Variants in SLC7A8 observed in about 807,000 individuals in gnomAD.
SLC7A8 encodes large neutral amino acids transporter small subunit 2.
A neutral mutation model predicts 51.2 loss-of-function variants in SLC7A8; 30 were observed. The ratio of observed to expected loss-of-function variants is 0.59; its 90% CI spans 0.44 to 0.80. SLC7A8 has a LOEUF of 0.80. Ranked by LOEUF, SLC7A8 falls within the 30% of genes least tolerant of loss-of-function variation. SLC7A8 has a pLI of 0.00. For synonymous variants in SLC7A8, 257 were observed against 275.8 expected, an observed-to-expected ratio of 0.93 and a Z score of 0.67; for missense variants, 612 against 674.4, an observed-to-expected ratio of 0.91 and a Z score of 1.03.
chr14:23,128,367 A>G lies in SLC7A8; in HGVS notation c.1264-171T>C, dbSNP rs367713003. On this transcript the variant is annotated intron_variant, in intron 9 of 10. Transcript: ENST00000316902. The surrounding 1 kb of genome is among the most constrained non-coding windows in gnomAD (Gnocchi z 4.3). ...ACTCACCCCTGGTAGGGCAGGGGCT[A>G]TATAAACAAATGTTGATGAACATGG... The G allele has an allele frequency of 5.2e-6, 8 of 1,534,488 alleles. No individual in the cohort carries two copies. The highest frequency in any genetic ancestry group is 4.1e-5 in the African/African-American group (3 of 73,090).
Position 23,127,274 on chromosome 14 carries a change from G to T in SLC7A8, c.1511C>A (p.Thr504Lys). 1 of 1,614,088 alleles carries T rather than the reference G, an allele frequency of 6.2e-7. No homozygotes were observed. The highest frequency in any genetic ancestry group is 8.5e-7 in the Non-Finnish European group (1 of 1,179,984). ...VYPEVERGSG[T>K]EEANEDMEEQ... ...CTCCATGTCCTCATTAGCCTCCTCT[G>T]TCCCTGAGCCCCGCTCCACCTCGGG... Residue 504 changes from threonine to lysine, a missense_variant, in exon 11 of 11, where the codon ACA becomes AAA. Transcript: ENST00000316902.
chr14:23,138,180 C>A, intron 6 of SLC7A8, 156 bp from the exon 7 acceptor site: 1 of 846,142 alleles, frequency 1.2e-6, no homozygotes, highest in Non-Finnish European at 1.8e-6. Flanking sequence ...CAAGGGTGGA[C>A]CCCTACACAG....
intron 1 of SLC7A8, among the ~76,000 whole-genome samples, chr14:23,176,157 C>T (rs1358814816): frequency 6.6e-6 from 1 of 152,208 alleles, no homozygotes; most frequent in Non-Finnish European, 1.5e-5. Flanking sequence ...GGATTAGAAG[C>T]TAATACATCA....
At chr14:23,151,797 G>T (rs115642907) in intron 3 of SLC7A8, among the ~76,000 whole-genome samples, 3 of 149,982 alleles carry the variant, frequency 2.0e-5, no homozygotes, top group African/African-American at 7.4e-5. Flanking sequence ...GGCACAGTGG[G>T]TCATACCTGT....
rs1359971974 is a variant in SLC7A8 at position 23,131,464 on chromosome 14, G to A, written c.1110C>T (p.Phe370=). The A allele has an allele frequency of 6.3e-7, 1 of 1,595,582 alleles. No homozygotes were observed. The highest frequency in any genetic ancestry group is 8.5e-7 in the Non-Finnish European group (1 of 1,171,314). Residue 370 remains phenylalanine, a synonymous_variant, in exon 8 of 11, where the codon TTC becomes TTT. Transcript: ENST00000316902. ...KRCTPIPALL[F]TCISTLLMLV... Reference sequence around the variant, plus strand: ...TTACAGCAGGAAGGGCCCTTACTGTGAAGAGCAGGGCTGGGATTGGGGTGC... The same window carrying A: ...TTACAGCAGGAAGGGCCCTTACTGTAAAGAGCAGGGCTGGGATTGGGGTGC...
At chr14:23,177,696 T>A (rs900564829) in intron 1 of SLC7A8, among the ~76,000 whole-genome samples, 7 of 152,152 alleles carry the variant, frequency 4.6e-5, no homozygotes, top group Non-Finnish European at 1.0e-4. Flanking sequence ...AAAGGAAAGG[T>A]GTGCATGTGC....
chr14:23,156,509 A>G (rs1271221753), intron 3 of SLC7A8: 1 of 152,102 alleles, frequency 6.6e-6, no homozygotes, highest in Admixed American at 6.6e-5. Flanking sequence ...TTCTGATTTT[A>G]TGTTCTTAGG....
chr14:23,133,440 C>CAAAAAAAAAAAAAAAAAAAAAGAA (rs2048659378), intron 7 of SLC7A8, among the ~76,000 whole-genome samples: 1 of 93,226 alleles, frequency 1.1e-5, no homozygotes. Context: ...GAACCTGTCT[C>CAAAAAAAAAAAAAAAAAAAAAGAA]AAAAAAAAAA....
At chr14:23,175,672 G>A (rs531225961) in intron 1 of SLC7A8, among the ~76,000 whole-genome samples, 3 of 152,150 alleles carry the variant, frequency 2.0e-5, no homozygotes, top group South Asian at 4.2e-4. Flanking sequence ...ATGTATTATC[G>A]CCCTGACAGT....
At position 23,181,065 on chromosome 14, in the gene SLC7A8, G is replaced by A. The variant is rs528954694; in HGVS notation, c.151+1699C>T. 2.0e-5 allele frequency among the ~76,000 whole-genome samples: 3 copies of A among 152,232 alleles called. No homozygotes were observed. In the East Asian group the frequency reaches 5.8e-4, roughly 29 times the overall value. On this transcript the variant is annotated intron_variant, in intron 1 of 10. Coordinates refer to ENST00000316902, the MANE Select transcript of SLC7A8 (RefSeq NM_012244.4). ...AATACCTGAACCTATATTGGGAAGGGCGAGCCAGGCTGAGGCAGGAAGGAT... is the reference window on the plus strand; with the variant it reads ...AATACCTGAACCTATATTGGGAAGGACGAGCCAGGCTGAGGCAGGAAGGAT...
intron 3 of SLC7A8, among the ~76,000 whole-genome samples, chr14:23,157,603 C>A (rs747976197): frequency 9.2e-5 from 14 of 152,192 alleles, no homozygotes; most frequent in Non-Finnish European, 1.9e-4. Context: ...ACTGAACAAC[C>A]TGTAGTTCCC....
intron 6 of SLC7A8, chr14:23,138,255 A>C: frequency 5.9e-6 from 3 of 511,216 alleles, no homozygotes; most frequent in East Asian, 3.4e-5. Context: ...AATAATAATA[A>C]TGAACTAACA....
chr14:23,152,055 A>G (rs1316565250), intron 3 of SLC7A8, among the ~76,000 whole-genome samples: 1 of 152,112 alleles, frequency 6.6e-6, no homozygotes, highest in East Asian at 1.9e-4. Flanking sequence ...ACAAAACAAA[A>G]ACAAAACAAA....
At chr14:23,144,030 C>T (rs1371130891) in intron 3 of SLC7A8, among the ~76,000 whole-genome samples, 2 of 152,174 alleles carry the variant, frequency 1.3e-5, no homozygotes, top group African/African-American at 2.4e-5. Context: ...ATAAAGGTAT[C>T]TGTTTGTTTT....
chr14:23,126,194 G>A lies in SLC7A8; in HGVS notation c.*983C>T, dbSNP rs2048574484. 6.5e-6 allele frequency: 1 copy of A among 153,030 alleles called. No homozygotes were observed. Among genetic ancestry groups the A allele is most frequent in the Admixed American group, 6.5e-5 (1 of 15,278 alleles). The allele number at this position is 153,030 out of a possible 1,614,324, so 9.5% of individuals were successfully genotyped here. ...GTTCTTGGATGGGAGGTGACTTAAG[G>A]CTGATCTGGCTCTGATCTCAGGCCT... On this transcript the variant is annotated 3_prime_UTR_variant, in exon 11 of 11. Coordinates refer to ENST00000316902, the MANE Select transcript of SLC7A8 (RefSeq NM_012244.4).
At chr14:23,167,307 T>C (rs1195748771) in intron 1 of SLC7A8, among the ~76,000 whole-genome samples, 1 of 152,166 alleles carries the variant, frequency 6.6e-6, no homozygotes, top group African/African-American at 2.4e-5. Flanking sequence ...AACAACCTTA[T>C]GGAATTCAGG....
chr14:23,128,504 C>A lies in SLC7A8; in HGVS notation c.1264-308G>T. On this transcript the variant is annotated intron_variant, in intron 9 of 10. Transcript: ENST00000316902. This position sits in a 1 kb window ranked among gnomAD's most constrained non-coding sequence, Gnocchi z 4.3. ...AGGCCTCATCATGCATGCCATGTGC[C>A]CGTGGCAGCCAGAGAAGCCCACAGG... 4.3e-6 allele frequency: 3 copies of A among 702,936 alleles called. No individual in the cohort carries two copies. Among genetic ancestry groups the A allele is most frequent in the Non-Finnish European group, 6.7e-6 (3 of 450,484 alleles). The allele number at this position is 702,936 out of a possible 1,614,324, so 43.5% of individuals were successfully genotyped here.
In SLC7A8 at chr14:23,183,027, C is replaced by A. The variant is rs1241659360; in HGVS notation, c.-113G>T. On this transcript the variant is annotated 5_prime_UTR_variant, in exon 1 of 11. Transcript: ENST00000316902. ...GAACGTCCTTTTCCGAAATAGGAAC[C>A]ACTGCTACTCTCTAAAAAAGGCAAG... is the stretch of plus-strand genomic sequence containing the variant. The A allele has an allele frequency of 7.8e-6, 10 of 1,284,122 alleles. No individual in the cohort carries two copies. Among genetic ancestry groups the A allele is most frequent in the East Asian group, 2.5e-5 (1 of 40,428 alleles). 79.5% of individuals were successfully genotyped at this position (1,284,122 alleles called of 1,614,324 possible).
Position 23,128,058 on chromosome 14 carries a change from A to G in SLC7A8, c.1402T>C (p.Tyr468His), listed in dbSNP as rs1409255025. 6.2e-7 allele frequency: 1 copy of G among 1,614,202 alleles called. No individual in the cohort carries two copies. The highest frequency in any genetic ancestry group is 1.7e-5 in the Admixed American group (1 of 60,030). The stretch of plus-strand genomic sequence containing the variant: ...AAACACTTGGGCTTGTGTTGCCAGT[A>G]AACACCCAGGAAATAGACAGGCACT... ...TGVPVYFLGV[Y>H]WQHKPKCFSD... is the part of the protein sequence containing the mutation. The change falls in exon 10 of 11, where the codon TAC becomes CAC. Residue 468 changes from tyrosine to histidine, a missense_variant. Physicochemically the swap from Tyr to His is moderately conservative, Grantham distance 83. Coordinates refer to ENST00000316902, the MANE Select transcript of SLC7A8 (RefSeq NM_012244.4). The surrounding 1 kb of genome is among the most constrained non-coding windows in gnomAD (Gnocchi z 4.3).
Sources: gnomAD v4.1 joint callset for allele counts (sites outside exome capture counted in the v4.1 genomes callset) on GRCh38, gnomAD v4.1.1 for gene constraint, Gnocchi (gnomAD v3.1) non-coding constraint, MANE v1.5 for transcripts, NCBI Gene and HGNC (gene_info 2026-07-23, HGNC 2026-07-21) for gene names.